Variants in DPYD observed in about 807,000 individuals in gnomAD.
The protein encoded by DPYD is dihydropyrimidine dehydrogenase [NADP(+)].
Under a neutral mutation model 116.2 loss-of-function variants are expected in DPYD, and 109 were observed. The ratio of observed to expected loss-of-function variants is 0.94; its 90% confidence interval spans 0.80 to 1.10. DPYD has a LOEUF of 1.10. Among genes scored for constraint, DPYD ranks in the 50% least tolerant of loss-of-function variants. The pLI, the probability that DPYD is intolerant of heterozygous loss-of-function variation, is 0.00. For missense variants in DPYD, 1,302 were observed against 1,254.5 expected, an observed-to-expected ratio of 1.04 and a Z score of -0.57; for synonymous variants, 440 against 432.0, an observed-to-expected ratio of 1.02 and a Z score of -0.23.
chr1:97,699,475 A>C lies in DPYD; in HGVS notation c.556T>G (p.Tyr186Asp), dbSNP rs755645831. Residue 186 changes from tyrosine (Y) to aspartate (D), a missense_variant, in exon 6 of 23, where the codon TAT becomes GAT. Tyr to Asp is a radical substitution (Grantham distance 160). Transcript: ENST00000370192. ...CCAAAAAGAGCAATCTTTGCAGAAT[A>C]GGCTTCAGACATTTTTTCTGGGGGA... ...LPPPEKMSEA[Y>D]SAKIALFGAG... 5.6e-6 allele frequency: 9 copies of C among 1,613,654 alleles called. No homozygotes were observed. The African/African-American group carries it at 1.1e-4, about 19-fold the overall frequency.
intron 12 of DPYD, among the ~76,000 whole-genome samples, chr1:97,518,132 T>C (rs1648364658): frequency 6.6e-6 from 1 of 151,940 alleles, no homozygotes; most frequent in African/African-American, 2.4e-5. Flanking sequence ...AAGATTTTCC[T>C]TAAGCTTCAA....
intron 4 of DPYD, among the ~76,000 whole-genome samples, chr1:97,733,298 A>C (rs568096556): frequency 6.6e-6 from 1 of 152,164 alleles, no homozygotes; most frequent in African/African-American, 2.4e-5. Context: ...TGTTTTTATT[A>C]TAAAACGTAT....
At chr1:97,546,954 T>C (rs1650920758) in intron 12 of DPYD, 2 of 1,606,636 alleles carry the variant, frequency 1.2e-6, no homozygotes, top group Admixed American at 1.7e-5. Flanking sequence ...AAGAGGAAGA[T>C]GATGACTAAG....
intron 1 of DPYD, among the ~76,000 whole-genome samples, chr1:97,906,391 T>C (rs1404327993): frequency 5.9e-5 from 9 of 152,074 alleles, no homozygotes. Flanking sequence ...TCTGTCTTGA[T>C]ATATAATTAT....
intron 10 of DPYD, among the ~76,000 whole-genome samples, chr1:97,583,458 G>A (rs1453686783): frequency 6.6e-6 from 1 of 152,096 alleles, no homozygotes; most frequent in Non-Finnish European, 1.5e-5. Context: ...CCTGGCAGCT[G>A]TTGGAGTATC....
intron 16 of DPYD, among the ~76,000 whole-genome samples, chr1:97,361,058 CAAGACTAATAA>C (rs937116401): frequency 6.6e-6 from 1 of 151,484 alleles, no homozygotes; most frequent in Non-Finnish European, 1.5e-5. Context: ...AGAACGCTAG[CAAGACTAATAA>C]AGAAGAAGAG....
intron 11 of DPYD, among the ~76,000 whole-genome samples, chr1:97,565,931 G>C (rs1014782608): frequency 1.3e-5 from 2 of 152,200 alleles, no homozygotes; most frequent in Non-Finnish European, 2.9e-5. Context: ...CATGAAGTAA[G>C]TAGGCTGATG....
intron 14 of DPYD, among the ~76,000 whole-genome samples, chr1:97,402,124 TA>T (rs1343511997): frequency 6.6e-5 from 10 of 152,264 alleles, no homozygotes; most frequent in Non-Finnish European, 1.2e-4. Flanking sequence ...AGCATGCCTT[TA>T]AACTTTAGAA....
intron 8 of DPYD, among the ~76,000 whole-genome samples, chr1:97,656,966 ATTT>A (rs71590230): frequency 0.095 from 11,027 of 116,394 alleles, 501 homozygotes; most frequent in Middle Eastern, 0.15. Context: ...GCATGATTGT[ATTT>A]TTTTTTTTTT....
intron 8 of DPYD, among the ~76,000 whole-genome samples, chr1:97,662,079 C>G (rs1659297650): frequency 1.3e-5 from 2 of 148,934 alleles, no homozygotes; most frequent in Non-Finnish European, 3.0e-5. Context: ...CAGCTCACTG[C>G]AACCTCCGCC....
chr1:97,705,117 C>G (rs1347169392), intron 5 of DPYD, among the ~76,000 whole-genome samples: 1 of 151,300 alleles, frequency 6.6e-6, no homozygotes. Flanking sequence ...CTACTTGACT[C>G]CAAAGCCTGA....
intron 8 of DPYD, among the ~76,000 whole-genome samples, chr1:97,648,644 G>A (rs549315848): frequency 6.6e-6 from 1 of 152,098 alleles, no homozygotes; most frequent in African/African-American, 2.4e-5. Flanking sequence ...TGAAAGGTAA[G>A]AATACATTAT....
intron 13 of DPYD, among the ~76,000 whole-genome samples, chr1:97,491,000 C>T (rs1331623209): frequency 6.7e-6 from 1 of 150,308 alleles, no homozygotes; most frequent in Non-Finnish European, 1.5e-5. Context: ...TAAAATTCTG[C>T]ATATACTTCT....
intron 2 of DPYD, among the ~76,000 whole-genome samples, chr1:97,865,910 T>C (rs1276472133): frequency 6.6e-6 from 1 of 151,988 alleles, no homozygotes; most frequent in Non-Finnish European, 1.5e-5. Context: ...CATTATTCAT[T>C]GAACTATTGA....
intron 1 of DPYD, among the ~76,000 whole-genome samples, chr1:97,887,469 T>TAAAAAAAA (rs57316508): frequency 1.7e-3 from 81 of 47,138 alleles, no homozygotes; most frequent in Non-Finnish European, 2.6e-3. Flanking sequence ...GACTCTGCAT[T>TAAAAAAAA]AAAAAAAAAA....
At chr1:97,665,655 T>C (rs1224991707) in intron 8 of DPYD, among the ~76,000 whole-genome samples, 4 of 152,218 alleles carry the variant, frequency 2.6e-5, no homozygotes, top group Non-Finnish European at 4.4e-5. Context: ...TCCAGGTATT[T>C]TTCTTATTCA....
chr1:97,576,568 A>G (rs1416967739), intron 10 of DPYD, among the ~76,000 whole-genome samples: 1 of 152,254 alleles, frequency 6.6e-6, no homozygotes, highest in Non-Finnish European at 1.5e-5. Flanking sequence ...TGAATTTAAA[A>G]TAAAGATTAT....
At chr1:97,186,674 C>T (rs1221644776) in intron 20 of DPYD, among the ~76,000 whole-genome samples, 9 of 152,030 alleles carry the variant, frequency 5.9e-5, no homozygotes, top group African/African-American at 1.2e-4. Context: ...CATGGAGGAA[C>T]GCTGTCTCTA....
intron 8 of DPYD, among the ~76,000 whole-genome samples, chr1:97,620,310 G>A (rs1656557180): frequency 6.6e-6 from 1 of 152,126 alleles, no homozygotes; most frequent in Non-Finnish European, 1.5e-5. Context: ...AAATTCCTGA[G>A]CTTAAGCAAT....
Sources: gnomAD v4.1 joint callset for allele counts (sites outside exome capture counted in the v4.1 genomes callset) on GRCh38, gnomAD v4.1.1 for gene constraint, MANE v1.5 for transcripts, NCBI Gene and HGNC (gene_info 2026-07-23, HGNC 2026-07-21) for gene names.